The following TBC1D9B variants were observed in gnomAD, a reference collection of about 807,000 sequenced individuals.
TBC1D9B encodes the protein TBC1 domain family member 9B, also known as TBC1 domain family, member 9B (with GRAM domain).
A neutral mutation model predicts 121.1 loss-of-function variants in TBC1D9B; 87 were observed. The observed-to-expected ratio is 0.72, with a 90% CI of 0.60 to 0.86. TBC1D9B has a LOEUF of 0.86. Ranked by LOEUF, TBC1D9B falls within the 40% of genes least tolerant of loss-of-function variation. The pLI, the probability that TBC1D9B is intolerant of heterozygous loss-of-function variation, is 0.00. For synonymous variants in TBC1D9B, 668 were observed against 670.1 expected, an observed-to-expected ratio of 1.00 and a Z score of 0.05; for missense variants, 1,540 against 1,628.6, an observed-to-expected ratio of 0.95 and a Z score of 0.94.
intron 10 of TBC1D9B, among the ~76,000 whole-genome samples, chr5:179,877,070 CAAAAAAAAAA>C (rs58537646): frequency 2.1e-4 from 7 of 34,128 alleles, no homozygotes; most frequent in Admixed American, 1.7e-3. Context: ...GATCCTGTCT[CAAAAAAAAAA>C]AAAAAAAAAA....
chr5:179,879,821 A>T, intron 7 of TBC1D9B, 32 bp from the exon 8 acceptor site: 5 of 1,575,946 alleles, frequency 3.2e-6, no homozygotes, highest in Non-Finnish European at 4.3e-6. Flanking sequence ...GGGACGCCCT[A>T]ACAACTGTGC....
intron 9 of TBC1D9B, 33 bp from the exon 10 acceptor site, chr5:179,878,556 C>A: frequency 1.3e-6 from 2 of 1,559,844 alleles, no homozygotes; most frequent in Non-Finnish European, 8.7e-7. Context: ...TGTCTCTGTC[C>A]TTCTTCTGGT....
chr5:179,894,651 C>T, intron 3 of TBC1D9B, 37 bp from the exon 4 acceptor site: 1 of 1,606,116 alleles, frequency 6.2e-7, no homozygotes, highest in South Asian at 1.1e-5. Flanking sequence ...TTGCCCTGCA[C>T]AGTCCCGGAC....
At chr5:179,871,575 C>T in intron 14 of TBC1D9B, 45 bp from the exon 15 acceptor site, 1 of 1,594,714 alleles carries the variant, frequency 6.3e-7, no homozygotes, top group African/African-American at 1.3e-5. Flanking sequence ...TCACAAGCTC[C>T]TGGCACAGAA....
chr5:179,893,185 C>A, intron 5 of TBC1D9B, 24 bp downstream of exon 5: 2 of 1,583,926 alleles, frequency 1.3e-6, no homozygotes, highest in South Asian at 1.1e-5. Context: ...CATGAGCCCA[C>A]CCCAGCCCTG....
Position 179,863,155 on chromosome 5 carries a change from T to C in TBC1D9B, c.*293A>G, listed in dbSNP as rs1411854033. On this transcript the variant is annotated 3_prime_UTR_variant, in exon 21 of 21. Coordinates refer to ENST00000355235, the MANE Select transcript of TBC1D9B (RefSeq NM_015043.4). The surrounding 1 kb of genome is among the most constrained non-coding windows in gnomAD (Gnocchi z 4.5). ...AAGCAAGGGCAGATCTGAGAGCCTG[T>C]AATGCTAGGCAGGTGCAGCTGGTGC... 2.3e-6 allele frequency: 1 copy of C among 438,588 alleles called. No homozygotes were observed. The highest frequency in any genetic ancestry group is 4.1e-6 in the Non-Finnish European group (1 of 242,642). The allele number at this position is 438,588 out of a possible 1,614,324, so 27.2% of individuals were successfully genotyped here. A position where few individuals can be genotyped will look rare whatever the true frequency, so the allele number is the denominator to read the frequency against.
chr5:179,867,915 C>A, intron 17 of TBC1D9B, 66 bp from the exon 18 acceptor site: 1 of 1,446,440 alleles, frequency 6.9e-7, no homozygotes, highest in Non-Finnish European at 9.1e-7. Flanking sequence ...GAGTAAGTTC[C>A]CTCCAGCCCT....
chr5:179,870,079 T>C (rs747235412), intron 16 of TBC1D9B, among the ~76,000 whole-genome samples, 176 bp downstream of exon 16: 6 of 152,266 alleles, frequency 3.9e-5, no homozygotes, highest in Non-Finnish European at 8.8e-5. Flanking sequence ...GCAAGGCTCC[T>C]GCTGGACCCC....
rs1174178374 is a variant in TBC1D9B at position 179,907,611 on chromosome 5, G to C, written c.118+93C>G. ...GTGTCCGCCGCGACGCGCCGAGGCCGGGCCGGAACCGGACCCGCCCGCCGC... is the reference window on the plus strand; with the variant it reads ...GTGTCCGCCGCGACGCGCCGAGGCCCGGCCGGAACCGGACCCGCCCGCCGC... On this transcript the variant is annotated intron_variant, in intron 1 of 20. Coordinates refer to ENST00000355235, the MANE Select transcript of TBC1D9B (RefSeq NM_015043.4). The surrounding 1 kb of genome is among the most constrained non-coding windows in gnomAD (Gnocchi z 5.3). 1.5e-6 allele frequency: 1 copy of C among 668,050 alleles called. No individual in the cohort carries two copies. Among genetic ancestry groups the C allele is most frequent in the African/African-American group, 2.0e-5 (1 of 50,532 alleles). The allele number at this position is 668,050 out of a possible 1,614,324, so 41.4% of individuals were successfully genotyped here.
chr5:179,898,736 A>C (rs1030199007), intron 3 of TBC1D9B, among the ~76,000 whole-genome samples: 3 of 152,234 alleles, frequency 2.0e-5, no homozygotes, highest in Non-Finnish European at 4.4e-5. Flanking sequence ...GGTGTGGGCC[A>C]CCACACCTGG....
At chr5:179,898,201 G>C (rs1761070173) in intron 3 of TBC1D9B, among the ~76,000 whole-genome samples, 2 of 150,846 alleles carry the variant, frequency 1.3e-5, no homozygotes, top group South Asian at 2.1e-4. Context: ...GCCTGGGCTG[G>C]AGTGCAGTGG....
At chr5:179,871,133 A>T (rs529932847) in intron 15 of TBC1D9B, among the ~76,000 whole-genome samples, 1 of 152,306 alleles carries the variant, frequency 6.6e-6, no homozygotes, top group South Asian at 2.1e-4. Flanking sequence ...GGCACATTTC[A>T]GCACCTGGAT....
chr5:179,880,065 G>T, intron 7 of TBC1D9B: 1 of 528,214 alleles, frequency 1.9e-6, no homozygotes, highest in Admixed American at 3.5e-5. Flanking sequence ...TCACCCTGTG[G>T]GGCCCTTTTC....
Position 179,863,348 on chromosome 5 carries a change from G to A in TBC1D9B, c.*100C>T. On this transcript the variant is annotated 3_prime_UTR_variant, in exon 21 of 21. Coordinates refer to ENST00000355235, the MANE Select transcript of TBC1D9B (RefSeq NM_015043.4). The surrounding 1 kb of genome is among the most constrained non-coding windows in gnomAD (Gnocchi z 4.5). ...TCACTGCTCCTGGGAGAGCAGGAGGGGCACACCTTTAAAGAGAAACTGATA... is the reference window on the plus strand; with the variant it reads ...TCACTGCTCCTGGGAGAGCAGGAGGAGCACACCTTTAAAGAGAAACTGATA... 3.7e-6 allele frequency: 5 copies of A among 1,360,812 alleles called. No individual in the cohort carries two copies. In the South Asian group the frequency reaches 5.7e-5, roughly 15 times the overall value. The allele number at this position is 1,360,812 out of a possible 1,614,324, so 84.3% of individuals were successfully genotyped here. A position where few individuals can be genotyped will look rare whatever the true frequency, so the allele number is the denominator to read the frequency against.
intron 3 of TBC1D9B, among the ~76,000 whole-genome samples, chr5:179,898,291 A>G (rs1761072251): frequency 1.3e-5 from 2 of 151,676 alleles, no homozygotes; most frequent in African/African-American, 4.9e-5. Flanking sequence ...AGCTGGAACT[A>G]CAGGTGCCCA....
chr5:179,887,441 A>G (rs926531125), intron 7 of TBC1D9B, among the ~76,000 whole-genome samples: 1 of 152,274 alleles, frequency 6.6e-6, no homozygotes, highest in Non-Finnish European at 1.5e-5. Flanking sequence ...CAGCGGATGC[A>G]ATCAGCAAAA....
chr5:179,904,769 G>A lies in TBC1D9B; in HGVS notation c.162C>T (p.Ala54=). 6.3e-7 allele frequency: 1 copy of A among 1,577,348 alleles called. No homozygotes were observed. The highest frequency in any genetic ancestry group is 8.6e-7 in the Non-Finnish European group (1 of 1,161,628). Residue 54 remains alanine, a synonymous_variant, in exon 2 of 21, where the codon GCC becomes GCT. Coordinates refer to ENST00000355235, the MANE Select transcript of TBC1D9B (RefSeq NM_015043.4). This position sits in a 1 kb window ranked among gnomAD's most constrained non-coding sequence, Gnocchi z 4.2. ...GTLDVVLDSS[A]RVAPYRILHQ... The stretch of plus-strand genomic sequence containing the variant: ...GCAGGATGCGGTAAGGGGCCACGCG[G>A]GCACTGGAGTCCAGCACCACGTCCA...
rs575432636 is a variant in TBC1D9B at position 179,864,655 on chromosome 5, G to A, written c.3022-527C>T. 3.7e-4 allele frequency among the ~76,000 whole-genome samples: 56 copies of A among 152,314 alleles called. 2 individuals carry two copies. In the South Asian group the frequency reaches 8.3e-3, roughly 23 times the overall value. ...CACACGTCTAGGCCTCCTGGCCCAA[G>A]AATGGGAAGAATCCTCATCGCACGT... On this transcript the variant is annotated intron_variant, in intron 20 of 20. Coordinates refer to ENST00000355235, the MANE Select transcript of TBC1D9B (RefSeq NM_015043.4).
At position 179,904,763 on chromosome 5, in the gene TBC1D9B, C is replaced by T. The variant is rs201841916; in HGVS notation, c.168G>A (p.Val56=). The change falls in exon 2 of 21, where the codon GTG becomes GTA. Residue 56 remains valine (V), a synonymous_variant. Transcript: ENST00000355235. The surrounding 1 kb of genome is among the most constrained non-coding windows in gnomAD (Gnocchi z 4.2). ...TCTGGTGCAGGATGCGGTAAGGGGC[C>T]ACGCGGGCACTGGAGTCCAGCACCA... ...LDVVLDSSAR[V]APYRILHQTQ... 4 of 1,578,794 alleles carry T rather than the reference C, an allele frequency of 2.5e-6. No homozygotes were observed. The highest frequency in any genetic ancestry group is 2.6e-6 in the Non-Finnish European group (3 of 1,162,476).
Sources: allele counts gnomAD v4.1 joint callset (sites outside exome capture counted in the v4.1 genomes callset), GRCh38; gene constraint gnomAD v4.1.1; non-coding constraint Gnocchi (gnomAD v3.1); transcripts MANE v1.5; gene names NCBI Gene and HGNC (gene_info 2026-07-23, HGNC 2026-07-21).